Variants in SULT2B1 observed in about 807,000 individuals in gnomAD.
SULT2B1 encodes the protein sulfotransferase 2B1.
In SULT2B1, 16 loss-of-function variants were observed where a neutral mutation model predicts 33.2. The ratio of observed to expected loss-of-function variants is 0.48; its 90% confidence interval spans 0.33 to 0.73. The LOEUF (loss-of-function observed/expected upper bound fraction) is 0.73, where lower values mean the gene tolerates loss of function less well. Ranked by LOEUF, SULT2B1 falls within the 30% of genes least tolerant of loss-of-function variation. SULT2B1 has a pLI of 0.02. For synonymous variants in SULT2B1, 186 were observed against 200.5 expected (o/e 0.93, Z 0.61); for missense variants, 500 against 506.0 (o/e 0.99, Z 0.11).
intron 1 of SULT2B1, among the ~76,000 whole-genome samples, chr19:48,567,215 T>A (rs1331702608): frequency 6.6e-6 from 1 of 152,134 alleles, no homozygotes; most frequent in Non-Finnish European, 1.5e-5. Flanking sequence ...CAAGGGCATC[T>A]GTCTATTCCT....
intron 1 of SULT2B1, among the ~76,000 whole-genome samples, chr19:48,572,635 C>T (rs1333159338): frequency 6.6e-6 from 1 of 152,034 alleles, no homozygotes; most frequent in Non-Finnish European, 1.5e-5. Flanking sequence ...AGCAAGGAGG[C>T]CAGAGGAGGA....
intron 1 of SULT2B1, among the ~76,000 whole-genome samples, chr19:48,556,394 C>T (rs953896383): frequency 6.6e-6 from 1 of 152,002 alleles, no homozygotes; most frequent in Admixed American, 6.6e-5. Context: ...ACCTCTGAGC[C>T]GGAGCTTCCA....
chr19:48,579,801 T>G (rs1730591335), intron 2 of SULT2B1, among the ~76,000 whole-genome samples: 3 of 150,210 alleles, frequency 2.0e-5, no homozygotes. Flanking sequence ...GAGACGGGGT[T>G]TCACCATGTT....
chr19:48,569,158 T>C (rs1379126587), intron 1 of SULT2B1, among the ~76,000 whole-genome samples: 4 of 150,478 alleles, frequency 2.7e-5, no homozygotes, highest in Admixed American at 6.7e-5. Flanking sequence ...CTGGGTAACA[T>C]GGTGAAACCC....
At chr19:48,584,079 T>A (rs868061958) in intron 2 of SULT2B1, among the ~76,000 whole-genome samples, 2 of 152,100 alleles carry the variant, frequency 1.3e-5, no homozygotes, top group Admixed American at 1.3e-4. Context: ...GCCACTGCAC[T>A]CCAGCCTGGA....
At chr19:48,598,546 T>C (rs1051082422) in intron 6 of SULT2B1, among the ~76,000 whole-genome samples, 10 of 151,840 alleles carry the variant, frequency 6.6e-5, no homozygotes, top group Non-Finnish European at 1.0e-4. Flanking sequence ...ATCACACCAC[T>C]GCACTCCAGC....
chr19:48,555,549 C>CCTCTCTCTCTCTCTCTCTCTCTCT (rs142655043), intron 1 of SULT2B1, among the ~76,000 whole-genome samples: 67 of 124,184 alleles, frequency 5.4e-4, no homozygotes, highest in African/African-American at 7.7e-4. Flanking sequence ...CCAGAGACAT[C>CCTCTCTCTCTCTCTCTCTCTCTCT]CTCTCTCTCT....
intron 1 of SULT2B1, 162 bp from the exon 2 acceptor site, chr19:48,575,779 C>T (rs1054558215): frequency 1.5e-6 from 2 of 1,320,500 alleles, no homozygotes; most frequent in South Asian, 1.6e-5. Flanking sequence ...CTGCGCCTGA[C>T]CAGCTTTATA....
chr19:48,574,940 T>C (rs1410231460), intron 1 of SULT2B1, among the ~76,000 whole-genome samples: 2 of 152,104 alleles, frequency 1.3e-5, no homozygotes, highest in Non-Finnish European at 2.9e-5. Flanking sequence ...ACAAAGTAAC[T>C]GCAGTTTATT....
chr19:48,554,081 C>T (rs1300563017), intron 1 of SULT2B1, among the ~76,000 whole-genome samples: 3 of 152,018 alleles, frequency 2.0e-5, no homozygotes, highest in Non-Finnish European at 4.4e-5. Context: ...AGCTCGGTTT[C>T]GTCATCGTGG....
chr19:48,592,032 G>T (rs530241962), intron 4 of SULT2B1, among the ~76,000 whole-genome samples: 1 of 152,228 alleles, frequency 6.6e-6, no homozygotes, highest in South Asian at 2.1e-4. Context: ...GGTGGCTCAT[G>T]CGTGTAATCC....
In SULT2B1 at chr19:48,565,175, G is replaced by A. The variant is rs112153729; in HGVS notation, c.72-10766G>A. Among the ~76,000 whole-genome samples the A allele has an allele frequency of 7.2e-4, 109 of 151,860 alleles. 2 individuals are homozygous for A. The highest frequency in any genetic ancestry group is 2.4e-3 in the African/African-American group (99 of 41,458). On this transcript the variant is annotated intron_variant, in intron 1 of 6. Transcript: ENST00000201586. ...ACCTGACCTCAGATGACCCGCCTCC[G>A]TAGGCCTCCCAAAGAGCTGGGATTA...
chr19:48,599,124 CT>C lies in SULT2B1; in HGVS notation c.827-10del, dbSNP rs1568416035. ...GAGGCTCCTCACCCCCTGGTGCCCC[CT>C]CTTCTCCAGGGGTCTGCGGCGACTG... On this transcript the variant is annotated splice_polypyrimidine_tract_variant and intron_variant, in intron 6 of 6. Transcript: ENST00000201586. This position sits in a 1 kb window ranked among gnomAD's most constrained non-coding sequence, Gnocchi z 4.1. 1 of 1,565,138 alleles carries C rather than the reference CT, an allele frequency of 6.4e-7. No homozygotes were observed. Among genetic ancestry groups the C allele is most frequent in the African/African-American group, 1.4e-5 (1 of 73,894 alleles).
chr19:48,598,484 C>T (rs546620023), intron 6 of SULT2B1, among the ~76,000 whole-genome samples: 126 of 151,984 alleles, frequency 8.3e-4, no homozygotes, highest in Non-Finnish European at 8.7e-4. Flanking sequence ...CCCAGTTACT[C>T]GGGAGGCTGA....
intron 1 of SULT2B1, among the ~76,000 whole-genome samples, chr19:48,565,222 G>A (rs924969012): frequency 9.9e-5 from 15 of 152,074 alleles, no homozygotes; most frequent in South Asian, 8.3e-4. Context: ...CACGGTGCCC[G>A]GCCTAATCCT....
Position 48,589,296 on chromosome 19 carries a change from G to T in SULT2B1, c.423+1859G>T, listed in dbSNP as rs570012580. On this transcript the variant is annotated intron_variant, in intron 3 of 6. Transcript: ENST00000201586. ...TTTCGGCGGAAGCAACTGTCAGGGT[G>T]GGGCAACTGGGAAGGGGAGGAGGGA... Among the ~76,000 whole-genome samples, 25 of 152,090 alleles carry T rather than the reference G, an allele frequency of 1.6e-4. 3 individuals are homozygous for T. Among genetic ancestry groups the T allele is most frequent in the African/African-American group, 4.3e-4 (18 of 41,510 alleles).
intron 1 of SULT2B1, among the ~76,000 whole-genome samples, chr19:48,569,007 C>T (rs1973281505): frequency 6.6e-6 from 1 of 152,150 alleles, no homozygotes; most frequent in Non-Finnish European, 1.5e-5. Context: ...GTTCTAGCAG[C>T]ATTTAGCATT....
chr19:48,589,960 CTTTTCTT>C (rs1342161021), intron 3 of SULT2B1, among the ~76,000 whole-genome samples: 1 of 152,044 alleles, frequency 6.6e-6, no homozygotes, highest in Non-Finnish European at 1.5e-5. Context: ...GACCTTGTTT[CTTTTCTT>C]TTTTCTTTTT....
intron 5 of SULT2B1, among the ~76,000 whole-genome samples, chr19:48,594,201 C>T (rs1464395325): frequency 6.6e-6 from 1 of 152,056 alleles, no homozygotes; most frequent in Non-Finnish European, 1.5e-5. Context: ...CTGGAGGTTG[C>T]GGTGAGCCAA....
Sources: allele counts gnomAD v4.1 joint callset (sites outside exome capture counted in the v4.1 genomes callset), GRCh38; gene constraint gnomAD v4.1.1; non-coding constraint Gnocchi (gnomAD v3.1); transcripts MANE v1.5; gene names NCBI Gene and HGNC (gene_info 2026-07-23, HGNC 2026-07-21).